The following CAMKMT variants were observed in gnomAD, a reference collection of about 807,000 sequenced individuals.
CAMKMT encodes the protein CaM KMT.
A neutral mutation model predicts 48.0 loss-of-function variants in CAMKMT; 53 were observed. The observed-to-expected ratio is 1.10, with a 90% CI of 0.89 to 1.39. CAMKMT has a LOEUF of 1.39. Ranked by LOEUF, CAMKMT falls within the 40% of genes most tolerant of loss-of-function variation. CAMKMT has a pLI of 0.00. For missense variants in CAMKMT, 428 were observed against 402.7 expected (o/e 1.06, Z -0.54); for synonymous variants, 165 against 152.3 (o/e 1.08, Z -0.61).
chr2:44,606,640 T>C (rs528477282), intron 3 of CAMKMT, among the ~76,000 whole-genome samples: 5 of 152,192 alleles, frequency 3.3e-5, no homozygotes, highest in Non-Finnish European at 7.4e-5. Flanking sequence ...TAGATATTTT[T>C]TGTTGTTTGT....
intron 3 of CAMKMT, among the ~76,000 whole-genome samples, chr2:44,451,610 A>G (rs1349996170): frequency 6.6e-6 from 1 of 152,044 alleles, no homozygotes; most frequent in Non-Finnish European, 1.5e-5. Context: ...AGTAACTACT[A>G]TCCTTAGCAG....
At chr2:44,489,451 G>A (rs894845438) in intron 3 of CAMKMT, among the ~76,000 whole-genome samples, 2 of 151,882 alleles carry the variant, frequency 1.3e-5, no homozygotes, top group Non-Finnish European at 2.9e-5. Context: ...TCACCATGTT[G>A]GTCAGGCTGG....
Position 44,625,537 on chromosome 2 carries a change from T to G in CAMKMT, c.377-78746T>G, listed in dbSNP as rs112622464. On this transcript the variant is annotated intron_variant, in intron 3 of 10. Transcript: ENST00000378494. ...GTTTTTATAAAATCTAAGTTATCTT[T>G]TTTTTCTTTTATGGCTAGTGCATTT... Among the ~76,000 whole-genome samples, 310 of 152,248 alleles carry G rather than the reference T, an allele frequency of 2.0e-3. 1 individual carries two copies. The Middle Eastern group carries it at 0.024, about 12-fold the overall frequency.
chr2:44,534,148 G>C (rs967418021), intron 3 of CAMKMT, among the ~76,000 whole-genome samples: 3 of 152,078 alleles, frequency 2.0e-5, no homozygotes, highest in Non-Finnish European at 4.4e-5. Context: ...TAATGACAAA[G>C]GAATCACTTC....
intron 3 of CAMKMT, among the ~76,000 whole-genome samples, chr2:44,438,771 C>G (rs1044525777): frequency 6.6e-6 from 1 of 152,184 alleles, no homozygotes; most frequent in African/African-American, 2.4e-5. Context: ...AATCACGGCT[C>G]GCTGCAGCCT....
intron 3 of CAMKMT, among the ~76,000 whole-genome samples, chr2:44,479,528 C>T (rs1431291881): frequency 1.3e-5 from 2 of 152,112 alleles, no homozygotes; most frequent in Non-Finnish European, 2.9e-5. Context: ...AAAGTGAGGC[C>T]ACCTGCTGTT....
intron 3 of CAMKMT, among the ~76,000 whole-genome samples, chr2:44,541,471 C>T (rs551517665): frequency 7.2e-5 from 11 of 151,968 alleles, no homozygotes; most frequent in South Asian, 6.2e-4. Context: ...GGAAGTTTTC[C>T]GGTTATTATG....
intron 3 of CAMKMT, among the ~76,000 whole-genome samples, chr2:44,610,896 T>C (rs1283968691): frequency 1.3e-5 from 2 of 152,190 alleles, no homozygotes; most frequent in African/African-American, 4.8e-5. Flanking sequence ...TCAAACTTTC[T>C]AATCTCCCTC....
At chr2:44,574,071 G>A (rs115412003) in intron 3 of CAMKMT, among the ~76,000 whole-genome samples, 4,273 of 152,238 alleles carry the variant, frequency 0.028, 192 homozygotes, top group African/African-American at 0.097. Context: ...AAATACAGTA[G>A]TATATTACAG....
intron 3 of CAMKMT, among the ~76,000 whole-genome samples, chr2:44,595,009 C>G (rs1000765600): frequency 3.3e-5 from 5 of 152,110 alleles, no homozygotes; most frequent in African/African-American, 1.2e-4. Context: ...TGAACGGACG[C>G]CTGTCAAAAG....
intron 8 of CAMKMT, among the ~76,000 whole-genome samples, chr2:44,749,271 C>G (rs779803569): frequency 6.6e-6 from 1 of 152,128 alleles, no homozygotes. Flanking sequence ...ATCATCAGAT[C>G]GGAAGAGAAC....
At chr2:44,528,640 A>G (rs1401987790) in intron 3 of CAMKMT, among the ~76,000 whole-genome samples, 1 of 152,144 alleles carries the variant, frequency 6.6e-6, no homozygotes, top group Non-Finnish European at 1.5e-5. Context: ...GTTTGTTTGA[A>G]TCACATCCAA....
chr2:44,413,651 C>T (rs1174389209), intron 3 of CAMKMT, among the ~76,000 whole-genome samples: 1 of 76,390 alleles, frequency 1.3e-5, no homozygotes, highest in East Asian at 3.0e-4. Context: ...GACTCCGTCT[C>T]AAAAAAAAAA....
chr2:44,533,530 C>A (rs957440639), intron 3 of CAMKMT, among the ~76,000 whole-genome samples: 5 of 152,218 alleles, frequency 3.3e-5, no homozygotes, highest in Admixed American at 1.3e-4. Context: ...TGAGCCACTC[C>A]ATCCAGCCAA....
chr2:44,730,162 T>C (rs181600029), intron 7 of CAMKMT, among the ~76,000 whole-genome samples: 25 of 152,322 alleles, frequency 1.6e-4, no homozygotes, highest in Admixed American at 2.0e-4. Flanking sequence ...AGACTTGGGA[T>C]ATTTGGGGAG....
chr2:44,705,216 G>A, intron 4 of CAMKMT: 1 of 246,526 alleles, frequency 4.1e-6, no homozygotes, highest in Non-Finnish European at 6.5e-6. Context: ...CTCATTAAGT[G>A]TGTTTTGAAA....
chr2:44,523,398 T>C (rs1333664191), intron 3 of CAMKMT, among the ~76,000 whole-genome samples: 1 of 151,172 alleles, frequency 6.6e-6, no homozygotes, highest in Non-Finnish European at 1.5e-5. Context: ...GTTCAAGCAA[T>C]TCTCCTGACT....
chr2:44,460,498 A>G (rs1667791359), intron 3 of CAMKMT, among the ~76,000 whole-genome samples: 1 of 152,122 alleles, frequency 6.6e-6, no homozygotes, highest in African/African-American at 2.4e-5. Context: ...GGCTTTGCAA[A>G]CTTATCAAAA....
chr2:44,624,499 C>T (rs1033297231), intron 3 of CAMKMT, among the ~76,000 whole-genome samples: 2 of 152,020 alleles, frequency 1.3e-5, no homozygotes, highest in South Asian at 2.1e-4. Flanking sequence ...CACAACAGTC[C>T]CCAGTGTGTG....
Sources: allele counts gnomAD v4.1 joint callset (sites outside exome capture counted in the v4.1 genomes callset), GRCh38; gene constraint gnomAD v4.1.1; transcripts MANE v1.5; gene names NCBI Gene and HGNC (gene_info 2026-07-23, HGNC 2026-07-21).